PPP2R5E: variants seen among roughly 807,000 people sequenced by gnomAD.
PPP2R5E encodes serine/threonine-protein phosphatase 2A 56 kDa regulatory subunit epsilon isoform.
PPP2R5E carries 4 observed loss-of-function variants against 65.3 expected under a neutral mutation model. The observed-to-expected ratio is 0.06, with a 90% CI of 0.03 to 0.14. The LOEUF is 0.14. PPP2R5E is among the 10% of genes least tolerant of loss of function. The probability of loss-of-function intolerance (pLI) is 1.00; values close to 1 mark genes in which losing one functional copy is unlikely to be tolerated. For missense variants in PPP2R5E, 274 were observed against 556.1 expected (o/e 0.49, Z 5.10); for synonymous variants, 183 against 187.4 (o/e 0.98, Z 0.19).
At chr14:63,501,210 T>C (rs1302221948) in intron 2 of PPP2R5E, among the ~76,000 whole-genome samples, 1 of 151,912 alleles carries the variant, frequency 6.6e-6, no homozygotes, top group Non-Finnish European at 1.5e-5. Flanking sequence ...CTATCCTGGC[T>C]AACACAGTGA....
At chr14:63,520,066 C>T (rs540008426) in intron 2 of PPP2R5E, among the ~76,000 whole-genome samples, 2 of 150,874 alleles carry the variant, frequency 1.3e-5, no homozygotes, top group African/African-American at 2.4e-5. Flanking sequence ...AACGGAGTCT[C>T]GCTCTGTCGC....
chr14:63,493,210 GT>G (rs398057162), intron 2 of PPP2R5E, among the ~76,000 whole-genome samples: 177 of 143,246 alleles, frequency 1.2e-3, no homozygotes, highest in African/African-American at 1.2e-3. Context: ...TTGGTGGGTT[GT>G]TTTTTTTTTT....
chr14:63,427,170 A>G (rs893086020), intron 3 of PPP2R5E, among the ~76,000 whole-genome samples: 1 of 152,190 alleles, frequency 6.6e-6, no homozygotes, highest in African/African-American at 2.4e-5. Context: ...ACTCCCCACC[A>G]TGCAACAGTT....
intron 2 of PPP2R5E, among the ~76,000 whole-genome samples, chr14:63,501,526 T>A (rs1891886098): frequency 1.3e-5 from 2 of 152,086 alleles, no homozygotes; most frequent in South Asian, 2.1e-4. Context: ...TAAAGTAGAT[T>A]AGTGATTGCC....
chr14:63,461,991 A>G (rs1300008059), intron 2 of PPP2R5E, among the ~76,000 whole-genome samples: 1 of 151,994 alleles, frequency 6.6e-6, no homozygotes, highest in Non-Finnish European at 1.5e-5. Flanking sequence ...TCTCTGAGCC[A>G]TATTATTCCT....
chr14:63,427,415 G>A (rs554635550), intron 3 of PPP2R5E, among the ~76,000 whole-genome samples: 1 of 151,792 alleles, frequency 6.6e-6, no homozygotes, highest in Admixed American at 6.6e-5. Context: ...AAAAAAAAAA[G>A]TTTAAGAAAT....
Position 63,497,779 on chromosome 14 carries a change from AAC to A in PPP2R5E, c.157+41748_157+41749del, listed in dbSNP as rs569040811. 4.3e-3 allele frequency among the ~76,000 whole-genome samples: 659 copies of A among 152,028 alleles called. 9 individuals carry two copies. Among genetic ancestry groups the A allele is most frequent in the African/African-American group, 0.015 (627 of 41,458 alleles). On this transcript the variant is annotated intron_variant, in intron 2 of 13. Transcript: ENST00000337537. ...ACAAACAAACAAACAAAAAAAAACA[AAC>A]ACAAAAAACACATGAACCTGCTCAA...
chr14:63,481,891 T>A (rs2139597804), intron 2 of PPP2R5E, among the ~76,000 whole-genome samples: 1 of 152,254 alleles, frequency 6.6e-6, no homozygotes, highest in Middle Eastern at 3.4e-3. Context: ...CTGGAGTGAG[T>A]ACAATGGAAA....
At chr14:63,507,575 C>CTTT (rs756154248) in intron 2 of PPP2R5E, among the ~76,000 whole-genome samples, 112 of 105,502 alleles carry the variant, frequency 1.1e-3, no homozygotes, top group Non-Finnish European at 1.2e-3. Flanking sequence ...GGGTAATTCT[C>CTTT]TTTTTTTTTT....
chr14:63,515,608 C>T (rs1467340862), intron 2 of PPP2R5E, among the ~76,000 whole-genome samples: 1 of 151,974 alleles, frequency 6.6e-6, no homozygotes, highest in Non-Finnish European at 1.5e-5. Flanking sequence ...GCAACCTCCG[C>T]CTCCCGGATT....
intron 3 of PPP2R5E, among the ~76,000 whole-genome samples, chr14:63,430,397 A>ACATACATG (rs1412861430): frequency 7.3e-6 from 1 of 137,126 alleles, no homozygotes; most frequent in African/African-American, 3.2e-5. Flanking sequence ...ATACATACAT[A>ACATACATG]CATGCATACA....
At chr14:63,380,078 C>T (rs1260083191) in intron 13 of PPP2R5E, among the ~76,000 whole-genome samples, 1 of 151,752 alleles carries the variant, frequency 6.6e-6, no homozygotes, top group Non-Finnish European at 1.5e-5. Context: ...AGATGACCCG[C>T]CCGCCTCAGC....
Position 63,442,497 on chromosome 14 carries a change from G to A in PPP2R5E, c.354+11192C>T, listed in dbSNP as rs112286839. 2.1e-3 allele frequency among the ~76,000 whole-genome samples: 320 copies of A among 150,838 alleles called. 4 individuals are homozygous for A. The highest frequency in any genetic ancestry group is 7.0e-3 in the African/African-American group (290 of 41,136). ...GGCCAGGATGTATACAGTAGTCCCC[G>A]TCCTATCTGTGGTTTGACTTCCCAT... On this transcript the variant is annotated intron_variant, in intron 3 of 13. Transcript: ENST00000337537.
intron 3 of PPP2R5E, among the ~76,000 whole-genome samples, chr14:63,438,875 C>T (rs945054592): frequency 1.1e-4 from 16 of 151,420 alleles, no homozygotes; most frequent in Non-Finnish European, 2.2e-4. Flanking sequence ...GAGTTGGGGA[C>T]GTGAATATGC....
At chr14:63,527,796 G>A (rs978411308) in intron 2 of PPP2R5E, among the ~76,000 whole-genome samples, 8 of 152,212 alleles carry the variant, frequency 5.3e-5, no homozygotes, top group Middle Eastern at 3.4e-3. Context: ...TTAGCTGGGC[G>A]TGGTGGTGGG....
At chr14:63,406,542 G>A (rs527640879) in intron 5 of PPP2R5E, among the ~76,000 whole-genome samples, 3 of 152,254 alleles carry the variant, frequency 2.0e-5, no homozygotes, top group South Asian at 2.1e-4. Context: ...GAGACCAACC[G>A]TTACTGGGAG....
At chr14:63,382,848 T>C (rs1180315194) in intron 12 of PPP2R5E, among the ~76,000 whole-genome samples, 4 of 152,236 alleles carry the variant, frequency 2.6e-5, no homozygotes, top group African/African-American at 9.6e-5. Flanking sequence ...TGAATTTGCA[T>C]AGAATTCTAT....
At position 63,396,603 on chromosome 14, in the gene PPP2R5E, A is replaced by T. The variant is rs774361704; in HGVS notation, c.663T>A (p.Ile221=). 1.9e-6 allele frequency: 3 copies of T among 1,612,742 alleles called. No homozygotes were observed. In the Admixed American group the frequency reaches 5.0e-5, roughly 27 times the overall value. ...LGLRAFIRKQ[I]NNIFLRFVYE... Reference sequence around the variant, plus strand: ...CCACTTACCTTAGAAAAATATTGTTAATCTGTTTTCGGATAAATGCTCTAA... The same window carrying T: ...CCACTTACCTTAGAAAAATATTGTTTATCTGTTTTCGGATAAATGCTCTAA... The change falls in exon 6 of 14, where the codon ATT becomes ATA. Residue 221 remains isoleucine (I), a synonymous_variant. Transcript: ENST00000337537.
intron 5 of PPP2R5E, among the ~76,000 whole-genome samples, chr14:63,399,983 A>T (rs1016938502): frequency 5.9e-5 from 9 of 151,826 alleles, no homozygotes; most frequent in African/African-American, 2.2e-4. Flanking sequence ...AATAAAAGAC[A>T]AGAGTTATGG....
Sources: gnomAD v4.1 joint callset for allele counts (sites outside exome capture counted in the v4.1 genomes callset) on GRCh38, gnomAD v4.1.1 for gene constraint, MANE v1.5 for transcripts, NCBI Gene and HGNC (gene_info 2026-07-23, HGNC 2026-07-21) for gene names.